Variants in IL1RAPL2 observed in about 807,000 individuals in gnomAD.
The protein encoded by IL1RAPL2 is interleukin 1 receptor accessory protein like 2, also known as X-linked interleukin-1 receptor accessory protein-like 2.
Under a neutral mutation model 44.1 loss-of-function variants are expected in IL1RAPL2, and 3 were observed. That is an observed-to-expected ratio of 0.07 (90% CI 0.03 to 0.18). The LOEUF is 0.18. Among genes scored for constraint, IL1RAPL2 ranks in the 10% least tolerant of loss-of-function variants. The probability of loss-of-function intolerance (pLI) is 1.00; values close to 1 mark genes in which losing one functional copy is unlikely to be tolerated. For missense variants in IL1RAPL2, 391 were observed against 496.4 expected, an observed-to-expected ratio of 0.79 and a Z score of 2.02; for synonymous variants, 181 against 178.8, an observed-to-expected ratio of 1.01 and a Z score of -0.10.
At chrX:104,818,201 G>A (rs772676538) in intron 2 of IL1RAPL2, among the ~76,000 whole-genome samples, 57 of 108,439 alleles carry the variant, frequency 5.3e-4, no homozygotes, top group South Asian at 1.7e-3. Context: ...AAAATTAGCC[G>A]GGCACAGTGG....
intron 2 of IL1RAPL2, among the ~76,000 whole-genome samples, chrX:104,809,197 G>A (rs186433634): frequency 1.4e-4 from 16 of 111,515 alleles, no homozygotes; most frequent in Non-Finnish European, 2.8e-4. Flanking sequence ...TCTCTGCTCC[G>A]CCTTCCCCTT....
chrX:104,906,315 G>T lies in IL1RAPL2; in HGVS notation c.82+247320G>T, dbSNP rs771134461. 1.0e-4 allele frequency among the ~76,000 whole-genome samples: 11 copies of T among 109,991 alleles called. No homozygotes were observed. In the Admixed American group the frequency reaches 1.1e-3, roughly 11 times the overall value. On this transcript the variant is annotated intron_variant, in intron 2 of 10. Transcript: ENST00000372582. ...CTTTATTTCCTTCTCCTGCCTAATT[G>T]CCCTGGCCAGAACTTCCAACACTAT... is the stretch of plus-strand genomic sequence containing the variant.
intron 5 of IL1RAPL2, among the ~76,000 whole-genome samples, chrX:105,414,508 A>G (rs781722600): frequency 1.5e-4 from 17 of 112,062 alleles, no homozygotes; most frequent in Non-Finnish European, 2.6e-4. Context: ...ACTTGAATTT[A>G]TAAGATCTTG....
intron 5 of IL1RAPL2, among the ~76,000 whole-genome samples, chrX:105,385,471 C>A (rs2035469439): frequency 9.1e-6 from 1 of 110,494 alleles, no homozygotes; most frequent in Non-Finnish European, 1.9e-5. Flanking sequence ...GTCATAATCA[C>A]CAGGACAGTA....
intron 1 of IL1RAPL2, among the ~76,000 whole-genome samples, chrX:104,575,915 T>C (rs1054722468): frequency 8.1e-5 from 9 of 111,605 alleles, no homozygotes; most frequent in Non-Finnish European, 1.3e-4. Flanking sequence ...AATATCTGCT[T>C]TAAACTTTCT....
chrX:105,470,879 CTCTA>C (rs775513712), intron 5 of IL1RAPL2, among the ~76,000 whole-genome samples: 24 of 111,609 alleles, frequency 2.2e-4, no homozygotes, highest in African/African-American at 7.1e-4. Context: ...TGCTCTGTAT[CTCTA>C]TCTACCCTAC....
intron 6 of IL1RAPL2, among the ~76,000 whole-genome samples, chrX:105,654,863 A>G (rs1247070148): frequency 8.9e-6 from 1 of 111,867 alleles, no homozygotes; most frequent in East Asian, 2.8e-4. Context: ...CTGAAAGAAA[A>G]TGAATTTGGA....
chrX:105,011,912 C>T lies in IL1RAPL2; in HGVS notation c.83-183563C>T, dbSNP rs189140802. Reference sequence around the variant, plus strand: ...GACAATTAGACAGTTACATAGATTCCTATGGCAAAACAAAGTAAGTAACTT... The same window carrying T: ...GACAATTAGACAGTTACATAGATTCTTATGGCAAAACAAAGTAAGTAACTT... On this transcript the variant is annotated intron_variant, in intron 2 of 10. Transcript: ENST00000372582. Among the ~76,000 whole-genome samples the T allele has an allele frequency of 1.6e-3, 175 of 110,716 alleles. 1 individual carries two copies. The highest frequency in any genetic ancestry group is 5.5e-3 in the African/African-American group (168 of 30,606).
At chrX:105,399,734 T>G (rs1982367563) in intron 5 of IL1RAPL2, among the ~76,000 whole-genome samples, 1 of 111,417 alleles carries the variant, frequency 9.0e-6, no homozygotes, top group South Asian at 3.8e-4. Flanking sequence ...ACCTATTATG[T>G]TCCAAGCACT....
chrX:104,824,284 T>C (rs928429651), intron 2 of IL1RAPL2, among the ~76,000 whole-genome samples: 1 of 111,991 alleles, frequency 8.9e-6, no homozygotes, highest in African/African-American at 3.3e-5. Context: ...CTGGATTCAG[T>C]TTGCCAGTAT....
intron 4 of IL1RAPL2, among the ~76,000 whole-genome samples, chrX:105,264,916 T>C (rs2034390365): frequency 1.8e-5 from 2 of 111,829 alleles, no homozygotes; most frequent in Admixed American, 1.9e-4. Flanking sequence ...AGATCCTCTA[T>C]TGGATACAAA....
chrX:105,131,417 T>G (rs1569388923), intron 2 of IL1RAPL2, among the ~76,000 whole-genome samples: 1 of 110,519 alleles, frequency 9.0e-6, no homozygotes, highest in Non-Finnish European at 1.9e-5. Flanking sequence ...TATAACATAT[T>G]AATATATAAA....
intron 2 of IL1RAPL2, among the ~76,000 whole-genome samples, chrX:104,674,853 C>G (rs1471598604): frequency 1.8e-5 from 2 of 111,687 alleles, no homozygotes; most frequent in African/African-American, 6.5e-5. Context: ...GGAATTTATC[C>G]ATTTCTTCAT....
intron 5 of IL1RAPL2, among the ~76,000 whole-genome samples, chrX:105,391,024 T>A (rs2035517803): frequency 8.9e-6 from 1 of 112,089 alleles, no homozygotes; most frequent in Admixed American, 9.5e-5. Flanking sequence ...CTTCATTTAA[T>A]TCTTGGAATT....
chrX:105,758,409 A>ATCTCTC (rs59823277), intron 10 of IL1RAPL2, among the ~76,000 whole-genome samples: 3,238 of 102,343 alleles, frequency 0.032, 151 homozygotes, highest in African/African-American at 0.11. Context: ...GTACATGAAA[A>ATCTCTC]TCTCTCTCTC....
intron 5 of IL1RAPL2, among the ~76,000 whole-genome samples, chrX:105,436,748 C>T (rs2035884555): frequency 9.1e-6 from 1 of 110,306 alleles, no homozygotes; most frequent in African/African-American, 3.3e-5. Context: ...TCAGAACAGC[C>T]TCCATTACAT....
At chrX:104,805,777 C>T (rs1160725324) in intron 2 of IL1RAPL2, among the ~76,000 whole-genome samples, 1 of 111,946 alleles carries the variant, frequency 8.9e-6, no homozygotes, top group Admixed American at 9.5e-5. Flanking sequence ...TTATGTCCTT[C>T]AACCCTCAAA....
chrX:105,396,093 C>A (rs755807698), intron 5 of IL1RAPL2, among the ~76,000 whole-genome samples: 3 of 109,889 alleles, frequency 2.7e-5, no homozygotes, highest in African/African-American at 6.6e-5. Context: ...GGTAAGGGAG[C>A]AAAATTAAAG....
At chrX:105,292,852 A>G (rs1049838997) in intron 5 of IL1RAPL2, among the ~76,000 whole-genome samples, 2 of 109,706 alleles carry the variant, frequency 1.8e-5, no homozygotes, top group Non-Finnish European at 1.9e-5. Context: ...AGTGGCTCAC[A>G]CCTGTAATCC....
Sources: gnomAD v4.1 joint callset for allele counts (sites outside exome capture counted in the v4.1 genomes callset) on GRCh38, gnomAD v4.1.1 for gene constraint, MANE v1.5 for transcripts, NCBI Gene and HGNC (gene_info 2026-07-23, HGNC 2026-07-21) for gene names.